Variants in AGPS observed in about 807,000 individuals in gnomAD.
AGPS encodes the protein alkyldihydroxyacetonephosphate synthase, peroxisomal.
A neutral mutation model predicts 90.7 loss-of-function variants in AGPS; 26 were observed. The observed-to-expected ratio is 0.29, with a 90% CI of 0.21 to 0.40. AGPS has a LOEUF of 0.40. Ranked by LOEUF, AGPS falls within the 10% of genes least tolerant of loss-of-function variation. The pLI, the probability that AGPS is intolerant of heterozygous loss-of-function variation, is 1.00. For missense variants in AGPS, 540 were observed against 816.1 expected (o/e 0.66, Z 4.12); for synonymous variants, 294 against 285.3 (o/e 1.03, Z -0.31).
chr2:177,439,667 C>G (rs1335016199), intron 5 of AGPS, among the ~76,000 whole-genome samples: 1 of 152,136 alleles, frequency 6.6e-6, no homozygotes, highest in African/African-American at 2.4e-5. Flanking sequence ...TTTTTGCTTT[C>G]ATAAATGGAT....
rs1242083847 is a variant in AGPS, at chr2:177,541,542, T to C, written c.*3347T>C. 2 of 152,176 alleles carry C rather than the reference T, an allele frequency of 1.3e-5. No homozygotes were observed. Among genetic ancestry groups the C allele is most frequent in the African/African-American group, 2.4e-5 (1 of 41,444 alleles). 9.4% of individuals were successfully genotyped at this position (152,176 alleles called of 1,614,324 possible). A position where few individuals can be genotyped will look rare whatever the true frequency, so the allele number is the denominator to read the frequency against. The stretch of plus-strand genomic sequence containing the variant: ...AAAATGGAATGCTGTGGAAAGCATA[T>C]CTATATCTTAAAAAACACTCAGACA... On this transcript the variant is annotated 3_prime_UTR_variant, in exon 20 of 20. Transcript: ENST00000264167.
chr2:177,434,896 A>G (rs1488338175), intron 3 of AGPS, among the ~76,000 whole-genome samples: 1 of 151,010 alleles, frequency 6.6e-6, no homozygotes, highest in Non-Finnish European at 1.5e-5. Context: ...GAAGAATTAT[A>G]AAAAGTAAAA....
At chr2:177,501,164 G>A (rs2105713501) in intron 14 of AGPS, among the ~76,000 whole-genome samples, 1 of 152,192 alleles carries the variant, frequency 6.6e-6, no homozygotes, top group South Asian at 2.1e-4. Context: ...GGGCTTGTAG[G>A]GAAATGGAAG....
At chr2:177,521,170 TA>T in intron 17 of AGPS, 98 bp from the exon 18 acceptor site, 1 of 1,034,566 alleles carries the variant, frequency 9.7e-7, no homozygotes, top group South Asian at 1.3e-5. Flanking sequence ...GATTATATCT[TA>T]AACTAATCAT....
chr2:177,476,491 A>G lies in AGPS; in HGVS notation c.1106-5568A>G, dbSNP rs75632922. Among the ~76,000 whole-genome samples the G allele has an allele frequency of 1.5e-3, 232 of 152,016 alleles. 1 individual carries two copies. Among genetic ancestry groups the G allele is most frequent in the African/African-American group, 5.3e-3 (219 of 41,486 alleles). On this transcript the variant is annotated intron_variant, in intron 10 of 19. Transcript: ENST00000264167. ...TTAGCTTTCCAATTTCTTTCTTATC[A>G]GTTTCTTATTTCATTCCATTGTGGC...
At chr2:177,439,679 T>C (rs1319986654) in intron 5 of AGPS, among the ~76,000 whole-genome samples, 1 of 152,192 alleles carries the variant, frequency 6.6e-6, no homozygotes. Context: ...TAAATGGATA[T>C]TCATTTGCTT....
chr2:177,498,155 C>A (rs994537003), intron 13 of AGPS, among the ~76,000 whole-genome samples: 4 of 151,720 alleles, frequency 2.6e-5, no homozygotes, highest in Non-Finnish European at 5.9e-5. Context: ...CTTTTCCTTG[C>A]ATCCTTGTTA....
At chr2:177,407,809 T>A (rs7558492) in intron 1 of AGPS, among the ~76,000 whole-genome samples, 10,683 of 89,866 alleles carry the variant, frequency 0.12, 437 homozygotes, top group African/African-American at 0.15. Context: ...TTTTTTTTTT[T>A]AAAAAAAAGA....
intron 1 of AGPS, among the ~76,000 whole-genome samples, chr2:177,409,867 G>A (rs912895139): frequency 1.3e-5 from 2 of 152,190 alleles, no homozygotes; most frequent in Non-Finnish European, 2.9e-5. Context: ...GGATTGAAAC[G>A]TATGGCCTGC....
intron 8 of AGPS, among the ~76,000 whole-genome samples, chr2:177,451,678 A>C (rs771667427): frequency 9.9e-5 from 15 of 152,184 alleles, no homozygotes; most frequent in Non-Finnish European, 1.9e-4. Context: ...ATCAAGTTGA[A>C]GAAGTCCCTT....
At chr2:177,475,801 A>G (rs1687764356) in intron 10 of AGPS, among the ~76,000 whole-genome samples, 1 of 152,088 alleles carries the variant, frequency 6.6e-6, no homozygotes, top group African/African-American at 2.4e-5. Flanking sequence ...TTGGGGGTTT[A>G]TAGCCTAGGA....
chr2:177,457,602 G>A (rs973293430), intron 8 of AGPS, among the ~76,000 whole-genome samples: 16 of 152,076 alleles, frequency 1.1e-4, no homozygotes, highest in Non-Finnish European at 1.9e-4. Context: ...ATAAATTCCT[G>A]GACACATACA....
chr2:177,444,015 G>T (rs1214275532), intron 7 of AGPS, among the ~76,000 whole-genome samples: 1 of 151,796 alleles, frequency 6.6e-6, no homozygotes, highest in Non-Finnish European at 1.5e-5. Context: ...ATATATATAA[G>T]GTACCATCAG....
chr2:177,476,143 A>T (rs903063093), intron 10 of AGPS, among the ~76,000 whole-genome samples: 24 of 151,368 alleles, frequency 1.6e-4, no homozygotes, highest in African/African-American at 5.8e-4. Flanking sequence ...TTCATTGATT[A>T]TTTTTTATTG....
chr2:177,415,805 T>G (rs1685769171), intron 1 of AGPS, among the ~76,000 whole-genome samples: 1 of 152,158 alleles, frequency 6.6e-6, no homozygotes, highest in African/African-American at 2.4e-5. Context: ...CTGTAGATCC[T>G]TTTGGCCATT....
intron 8 of AGPS, among the ~76,000 whole-genome samples, chr2:177,453,849 G>T (rs1687028695): frequency 6.9e-6 from 1 of 144,940 alleles, no homozygotes; most frequent in Non-Finnish European, 1.5e-5. Flanking sequence ...CACCATGCCC[G>T]GCTAATTTTG....
Position 177,401,893 on chromosome 2 carries a change from A to G in AGPS, c.260+8844A>G, listed in dbSNP as rs186554794. On this transcript the variant is annotated intron_variant, in intron 1 of 19. Coordinates refer to ENST00000264167, the MANE Select transcript of AGPS (RefSeq NM_003659.4). ...TCAATTCTAGAGCTTTTTCCTTGAT[A>G]TTATATTGATATCACCCAGCCCTGT... Among the ~76,000 whole-genome samples, 28 of 152,230 alleles carry G rather than the reference A, an allele frequency of 1.8e-4. 1 individual carries two copies. The East Asian group carries it at 5.4e-3, about 29-fold the overall frequency.
At chr2:177,427,510 C>G (rs948208998) in intron 2 of AGPS, among the ~76,000 whole-genome samples, 2 of 152,180 alleles carry the variant, frequency 1.3e-5, no homozygotes, top group African/African-American at 4.8e-5. Flanking sequence ...CCTCTTAACA[C>G]TGCTTTAGCT....
At chr2:177,424,007 A>T (rs1156356641) in intron 2 of AGPS, among the ~76,000 whole-genome samples, 1 of 152,204 alleles carries the variant, frequency 6.6e-6, no homozygotes, top group African/African-American at 2.4e-5. Context: ...TTACATAGCT[A>T]AACGTGTGAC....
Sources: gnomAD v4.1 joint callset for allele counts (sites outside exome capture counted in the v4.1 genomes callset) on GRCh38, gnomAD v4.1.1 for gene constraint, MANE v1.5 for transcripts, NCBI Gene and HGNC (gene_info 2026-07-23, HGNC 2026-07-21) for gene names.